The following HELZ variants were observed in gnomAD, a reference collection of about 807,000 sequenced individuals.
The protein encoded by HELZ is ATP-dependent RNA helicase with zinc finger domain.
Under a neutral mutation model 218.2 loss-of-function variants are expected in HELZ, and 23 were observed. That is an observed-to-expected ratio of 0.11 (90% CI 0.08 to 0.15). HELZ has a LOEUF of 0.15. Ranked by LOEUF, HELZ falls within the 10% of genes least tolerant of loss-of-function variation. The pLI is 1.00. For synonymous variants in HELZ, 814 were observed against 829.4 expected (o/e 0.98, Z 0.32); for missense variants, 1,813 against 2,353.7 (o/e 0.77, Z 4.75).
At chr17:67,183,436 A>T (rs183917994) in intron 12 of HELZ, among the ~76,000 whole-genome samples, 1 of 152,296 alleles carries the variant, frequency 6.6e-6, no homozygotes, top group East Asian at 1.9e-4. Flanking sequence ...TACTTTTCTG[A>T]TCATGTAACA....
chr17:67,148,807 T>G, intron 19 of HELZ, 93 bp from the exon 20 acceptor site: 1 of 1,195,438 alleles, frequency 8.4e-7, no homozygotes, highest in Non-Finnish European at 1.2e-6. Flanking sequence ...CTAAAACTTC[T>G]TATATACAAA....
chr17:67,106,893 A>C lies in HELZ; in HGVS notation c.5241+276T>G, dbSNP rs138508293. On this transcript the variant is annotated intron_variant, in intron 31 of 32. Coordinates refer to ENST00000358691, the MANE Select transcript of HELZ (RefSeq NM_014877.4). ...AAAAGCCATTTCCTCAGATTAAAAAAAGACAAAGCTCCTTGAATAGAGTCC... is the reference window on the plus strand; with the variant it reads ...AAAAGCCATTTCCTCAGATTAAAAACAGACAAAGCTCCTTGAATAGAGTCC... Among the ~76,000 whole-genome samples, 61 of 152,360 alleles carry C rather than the reference A, an allele frequency of 4.0e-4. 1 individual carries two copies. In the East Asian group the frequency reaches 8.1e-3, roughly 20 times the overall value.
At position 67,160,317 on chromosome 17, in the gene HELZ, T is replaced by A. The variant is rs1334677915; in HGVS notation, c.2121A>T (p.Ile707=). The part of the protein sequence containing the change: ...THSNSAADLY[I]KDYLHPYVEA... ...CTACATATGGATGTAAATAATCCTTTATGTAGAGATCAGCAGCACTATTAG... is the reference window on the plus strand; with the variant it reads ...CTACATATGGATGTAAATAATCCTTAATGTAGAGATCAGCAGCACTATTAG... Residue 707 remains isoleucine, a synonymous_variant, in exon 17 of 33, where the codon ATA becomes ATT. Coordinates refer to ENST00000358691, the MANE Select transcript of HELZ (RefSeq NM_014877.4). 2 of 1,612,730 alleles carry A rather than the reference T, an allele frequency of 1.2e-6. No homozygotes were observed. Among genetic ancestry groups the A allele is most frequent in the East Asian group, 2.2e-5 (1 of 44,772 alleles).
At position 67,203,323 on chromosome 17, in the gene HELZ, G is replaced by A. The variant is rs1197639514; in HGVS notation, c.368C>T (p.Ser123Phe). The A allele has an allele frequency of 6.2e-7, 1 of 1,613,844 alleles. No individual in the cohort carries two copies. The highest frequency in any genetic ancestry group is 1.7e-5 in the Admixed American group (1 of 60,006). The change falls in exon 6 of 33, where the codon TCC becomes TTC. Residue 123 changes from serine (S) to phenylalanine (F), a missense_variant. Ser to Phe is a radical substitution (Grantham distance 155). Transcript: ENST00000358691. ...AATTAGAGCTTATCAACATACCAGG[G>A]ACTCTCCTGTGAGTGACTTGGCAAG... ...TILAKSLTGE[S>F]LNGMVTKDLT...
At chr17:67,167,320 G>A (rs1019093365) in intron 14 of HELZ, 143 bp downstream of exon 14, 1 of 587,216 alleles carries the variant, frequency 1.7e-6, no homozygotes, top group Non-Finnish European at 3.0e-6. Flanking sequence ...GTTACTACAG[G>A]TGCAATTTTC....
At chr17:67,224,648 AT>A in intron 3 of HELZ, 1 of 620,496 alleles carries the variant, frequency 1.6e-6, no homozygotes, top group South Asian at 1.5e-5. Context: ...TGGGAGACAA[AT>A]GGCTTAGTGT....
Position 67,144,713 on chromosome 17 carries a change from A to C in HELZ, c.2769+1030T>G, listed in dbSNP as rs2038440774. ...CGCAGGGCCACCAAGGCTTCTGGACAGGCCCTGGTTGCCACTTCCTGTCAT... is the reference window on the plus strand; with the variant it reads ...CGCAGGGCCACCAAGGCTTCTGGACCGGCCCTGGTTGCCACTTCCTGTCAT... On this transcript the variant is annotated intron_variant, in intron 21 of 32. Coordinates refer to ENST00000358691, the MANE Select transcript of HELZ (RefSeq NM_014877.4). 2.0e-5 allele frequency among the ~76,000 whole-genome samples: 3 copies of C among 152,164 alleles called. No individual in the cohort carries two copies. The South Asian group carries it at 6.2e-4, about 32-fold the overall frequency.
intron 7 of HELZ, chr17:67,200,900 G>T: frequency 2.0e-6 from 1 of 508,950 alleles, no homozygotes; most frequent in South Asian, 3.1e-5. Context: ...GTCCACTAGG[G>T]ACAGAAGATA....
At chr17:67,096,786 C>T (rs2036762325) in intron 31 of HELZ, among the ~76,000 whole-genome samples, 1 of 152,178 alleles carries the variant, frequency 6.6e-6, no homozygotes. Context: ...ACTTTCTCCA[C>T]ATCACTCAAA....
At chr17:67,237,049 A>T (rs2143484526) in intron 3 of HELZ, among the ~76,000 whole-genome samples, 1 of 152,330 alleles carries the variant, frequency 6.6e-6, no homozygotes, top group African/African-American at 2.4e-5. Context: ...CTCAAGAAAC[A>T]AAGAACCTGG....
intron 27 of HELZ, chr17:67,119,926 C>A: frequency 2.5e-6 from 1 of 397,946 alleles, no homozygotes; most frequent in Non-Finnish European, 4.8e-6. Context: ...AATTTTGTGT[C>A]TGTGTACATA....
chr17:67,124,795 AT>A (rs1307316103), intron 24 of HELZ, among the ~76,000 whole-genome samples: 1 of 152,134 alleles, frequency 6.6e-6, no homozygotes, highest in African/African-American at 2.4e-5. Context: ...ATAATGGTAT[AT>A]TTAGTCTACC....
rs778021330 is a variant in HELZ at position 67,120,529 on chromosome 17, G to T, written c.3714C>A (p.Asn1238Lys). 1.2e-6 allele frequency: 2 copies of T among 1,613,462 alleles called. No homozygotes were observed. Among genetic ancestry groups the T allele is most frequent in the African/African-American group, 2.7e-5 (2 of 74,868 alleles). ...THQAAMAYNM[N>K]LLQTHGRGSP... ...ATCCTCGTCCATGTGTCTGTAATAG[G>T]TTCATGTTATAGGCCATTGCTGCCT... Residue 1238 changes from asparagine to lysine, a missense_variant, in exon 27 of 33, where the codon AAC (asparagine) becomes AAA (lysine). Coordinates refer to ENST00000358691, the MANE Select transcript of HELZ (RefSeq NM_014877.4).
chr17:67,108,394 G>C lies in HELZ; in HGVS notation c.4724+98C>G, dbSNP rs1183962840. 1 of 863,130 alleles carries C rather than the reference G, an allele frequency of 1.2e-6. No individual in the cohort carries two copies. The highest frequency in any genetic ancestry group is 1.5e-5 in the South Asian group (1 of 65,536). The allele number at this position is 863,130 out of a possible 1,614,324, so 53.5% of individuals were successfully genotyped here. On this transcript the variant is annotated intron_variant, in intron 30 of 32. Coordinates refer to ENST00000358691, the MANE Select transcript of HELZ (RefSeq NM_014877.4). This position sits in a 1 kb window ranked among gnomAD's most constrained non-coding sequence, Gnocchi z 4.1. ...TGGAAGGCCAGCATCCAATTTCTCT[G>C]AGGCAATATTCCAGCTTGAAGCTAA... is the stretch of plus-strand genomic sequence containing the variant.
intron 3 of HELZ, among the ~76,000 whole-genome samples, chr17:67,229,081 C>T (rs1598465445): frequency 6.6e-6 from 1 of 152,328 alleles, no homozygotes; most frequent in East Asian, 1.9e-4. Context: ...CCCCTTTCCC[C>T]ACTGAGCAGC....
chr17:67,220,138 C>T (rs1364429181), intron 3 of HELZ, among the ~76,000 whole-genome samples: 2 of 152,316 alleles, frequency 1.3e-5, no homozygotes, highest in East Asian at 1.9e-4. Context: ...ATGTTCTCTG[C>T]CAGCCTTCTC....
chr17:67,184,730 C>G (rs1383761125), intron 12 of HELZ, among the ~76,000 whole-genome samples: 1 of 151,990 alleles, frequency 6.6e-6, no homozygotes, highest in East Asian at 1.9e-4. Context: ...GTGGGAAGAT[C>G]ACTTGAGCCT....
chr17:67,171,286 T>C (rs567730950), intron 13 of HELZ, among the ~76,000 whole-genome samples: 1 of 152,190 alleles, frequency 6.6e-6, no homozygotes. Flanking sequence ...AAATGGACAC[T>C]TTTGATTACA....
At chr17:67,170,445 C>A (rs986373334) in intron 13 of HELZ, among the ~76,000 whole-genome samples, 1 of 151,986 alleles carries the variant, frequency 6.6e-6, no homozygotes, top group Non-Finnish European at 1.5e-5. Flanking sequence ...AACCAGGAGG[C>A]GGAGGTTGCA....
Sources: gnomAD v4.1 joint callset for allele counts (sites outside exome capture counted in the v4.1 genomes callset) on GRCh38, gnomAD v4.1.1 for gene constraint, Gnocchi (gnomAD v3.1) non-coding constraint, MANE v1.5 for transcripts, NCBI Gene and HGNC (gene_info 2026-07-23, HGNC 2026-07-21) for gene names.